Variants in SIRT4 observed in about 807,000 individuals in gnomAD.
The protein encoded by SIRT4 is NAD-dependent protein lipoamidase sirtuin-4, mitochondrial.
In SIRT4, 23 loss-of-function variants were observed where a neutral mutation model predicts 26.1. The observed-to-expected ratio is 0.88, with a 90% CI of 0.63 to 1.25. The LOEUF is 1.25. SIRT4 is among the 50% of genes most tolerant of loss of function. The pLI is 0.00. For missense variants in SIRT4, 361 were observed against 405.4 expected, an observed-to-expected ratio of 0.89 and a Z score of 0.94; for synonymous variants, 155 against 158.4, an observed-to-expected ratio of 0.98 and a Z score of 0.16.
chr12:120,309,611 C>T (rs1172196190), intron 2 of SIRT4, among the ~76,000 whole-genome samples: 2 of 151,456 alleles, frequency 1.3e-5, no homozygotes, highest in East Asian at 3.9e-4. Context: ...TGGGTTTCAC[C>T]GTGTTGGGCC....
At chr12:120,294,367 G>A in the SIRT4 span, among the ~76,000 whole-genome samples, 2 of 151,636 alleles carry the variant, frequency 1.3e-5, no homozygotes, top group East Asian at 3.9e-4. Flanking sequence ...GCAATGGCGA[G>A]ATCAACCTCC....
At chr12:120,292,878 A>T in the SIRT4 span, among the ~76,000 whole-genome samples, 3 of 152,340 alleles carry the variant, frequency 2.0e-5, no homozygotes, top group Admixed American at 2.0e-4. Flanking sequence ...CCCTGCTTTT[A>T]CCTTAAAAGT....
upstream of SIRT4, among the ~76,000 whole-genome samples, chr12:120,297,527 A>G (rs1033174655): frequency 3.3e-5 from 5 of 151,688 alleles, no homozygotes; most frequent in Non-Finnish European, 7.4e-5. Flanking sequence ...AAAGCATACA[A>G]AAATTAAAAA....
upstream of SIRT4, among the ~76,000 whole-genome samples, chr12:120,301,190 A>C (rs11609118): frequency 0.03 from 4,490 of 147,932 alleles, 100 homozygotes; most frequent in Non-Finnish European, 0.045. Context: ...ACTAAAAATA[A>C]AAAAATTAAC....
the SIRT4 span, among the ~76,000 whole-genome samples, chr12:120,292,941 A>G: frequency 2.0e-5 from 3 of 152,220 alleles, no homozygotes; most frequent in Non-Finnish European, 4.4e-5. Flanking sequence ...TCACTAAAAC[A>G]GGTAAACTTG....
chr12:120,302,874 A>C (rs2428384), intron 1 of SIRT4, among the ~76,000 whole-genome samples: 131,971 of 151,508 alleles, frequency 0.87, 57,600 homozygotes, highest in East Asian at 1. Context: ...CACGTGCCAC[A>C]ATGCCCGGCT....
upstream of SIRT4, chr12:120,302,176 A>G (rs1415678054): frequency 1.3e-5 from 2 of 152,190 alleles, no homozygotes; most frequent in Non-Finnish European, 2.9e-5. Context: ...AAGCTTTTAT[A>G]TTAACGGGGG....
chr12:120,293,277 G>A, the SIRT4 span: 1 of 152,186 alleles, frequency 6.6e-6, no homozygotes, highest in Non-Finnish European at 1.5e-5. Context: ...CAATAAACCA[G>A]CTTCCTATTT....
upstream of SIRT4, among the ~76,000 whole-genome samples, chr12:120,299,643 AC>A (rs1872474951): frequency 6.6e-6 from 1 of 152,140 alleles, no homozygotes; most frequent in Admixed American, 6.6e-5. Context: ...GTTCCATCAG[AC>A]TGGTCCAACA....
the SIRT4 span, among the ~76,000 whole-genome samples, chr12:120,292,228 A>T: frequency 6.6e-6 from 1 of 152,202 alleles, no homozygotes; most frequent in African/African-American, 2.4e-5. Context: ...CAGACGGACG[A>T]CTAGCTGTGC....
At chr12:120,296,444 A>G in the SIRT4 span, among the ~76,000 whole-genome samples, 2 of 150,456 alleles carry the variant, frequency 1.3e-5, no homozygotes, top group Admixed American at 1.3e-4. Flanking sequence ...GTCAAAAACG[A>G]CATTTTAAAA....
At chr12:120,301,654 T>TA (rs912600146), upstream of SIRT4, among the ~76,000 whole-genome samples, 10 of 150,420 alleles carry the variant, frequency 6.6e-5, no homozygotes, top group Admixed American at 2.0e-4. Flanking sequence ...ACAAAAACTT[T>TA]AAAAAAAAGT....
intron 2 of SIRT4, among the ~76,000 whole-genome samples, chr12:120,309,714 C>CT (rs564627080): frequency 0.022 from 2,445 of 111,094 alleles, 47 homozygotes; most frequent in East Asian, 0.063. Flanking sequence ...TGCCCGCTTT[C>CT]TTTTTTTTTT....
At chr12:120,292,937 A>T in the SIRT4 span, among the ~76,000 whole-genome samples, 8 of 152,196 alleles carry the variant, frequency 5.3e-5, no homozygotes, top group Non-Finnish European at 7.3e-5. Context: ...CAAATCACTA[A>T]AACAGGTAAA....
At chr12:120,293,167 A>G in the SIRT4 span, 1 of 152,202 alleles carries the variant, frequency 6.6e-6, no homozygotes, top group Non-Finnish European at 1.5e-5. Context: ...GTATTGGGAA[A>G]AGTTTTCAAT....
In SIRT4 at chr12:120,313,149, G is replaced by A; in HGVS notation, c.*113G>A. The A allele has an allele frequency of 8.2e-7, 1 of 1,220,916 alleles. No individual in the cohort carries two copies. Among genetic ancestry groups the A allele is most frequent in the South Asian group, 1.3e-5 (1 of 74,362 alleles). The allele number at this position is 1,220,916 out of a possible 1,614,324, so 75.6% of individuals were successfully genotyped here. A position where few individuals can be genotyped will look rare whatever the true frequency, so the allele number is the denominator to read the frequency against. On this transcript the variant is annotated 3_prime_UTR_variant, in exon 4 of 4. Transcript: ENST00000202967. Reference sequence around the variant, plus strand: ...CAGTTCCCATTCAACAGAGTAGGGTGCACTGACAAAGTATAGAAGGTTCTA... The same window carrying A: ...CAGTTCCCATTCAACAGAGTAGGGTACACTGACAAAGTATAGAAGGTTCTA...
At chr12:120,304,295 T>G (rs1872658245) in intron 2 of SIRT4, among the ~76,000 whole-genome samples, 1 of 152,128 alleles carries the variant, frequency 6.6e-6, no homozygotes, top group African/African-American at 2.4e-5. Flanking sequence ...GGCACTGGGG[T>G]TCAGTCCTGT....
At chr12:120,297,209 C>A in the SIRT4 span, among the ~76,000 whole-genome samples, 1 of 150,072 alleles carries the variant, frequency 6.7e-6, no homozygotes. Flanking sequence ...GGCGATAGAG[C>A]GAGACTCCGT....
intron 1 of SIRT4, among the ~76,000 whole-genome samples, chr12:120,303,154 T>TG (rs1872607669): frequency 6.6e-6 from 1 of 151,962 alleles, no homozygotes; most frequent in Admixed American, 6.6e-5. Flanking sequence ...TGCGTGTGTG[T>TG]GCTTAATTAC....
Sources: gnomAD v4.1 joint callset for allele counts (sites outside exome capture counted in the v4.1 genomes callset) on GRCh38, gnomAD v4.1.1 for gene constraint, MANE v1.5 for transcripts, NCBI Gene and HGNC (gene_info 2026-07-23, HGNC 2026-07-21) for gene names.